Variants in TBC1D4 observed in about 807,000 individuals in gnomAD.
The protein encoded by TBC1D4 is TBC (Tre-2, BUB2, CDC16) domain-containing protein.
A neutral mutation model predicts 142.5 loss-of-function variants in TBC1D4; 121 were observed. The ratio of observed to expected loss-of-function variants is 0.85; its 90% confidence interval spans 0.73 to 0.99. The LOEUF (loss-of-function observed/expected upper bound fraction) is 0.99, where lower values mean the gene tolerates loss of function less well. Among genes scored for constraint, TBC1D4 ranks in the 50% least tolerant of loss-of-function variants. The pLI, the probability that TBC1D4 is intolerant of heterozygous loss-of-function variation, is 0.00. For missense variants in TBC1D4, 1,475 were observed against 1,606.6 expected, an observed-to-expected ratio of 0.92 and a Z score of 1.40; for synonymous variants, 630 against 628.2, an observed-to-expected ratio of 1.00 and a Z score of -0.04.
intron 1 of TBC1D4, among the ~76,000 whole-genome samples, chr13:75,427,230 G>A (rs1297621409): frequency 6.6e-6 from 1 of 152,146 alleles, no homozygotes; most frequent in Non-Finnish European, 1.5e-5. Flanking sequence ...TGGAGCTACA[G>A]GCGCCCCTCA....
Position 75,327,748 on chromosome 13 carries a change from A to G in TBC1D4, c.1806+4T>C, listed in dbSNP as rs1265401491. On this transcript the variant is annotated splice_donor_region_variant and intron_variant, in intron 9 of 20. Transcript: ENST00000377636. ...ATTAGTGTAAACAAGCTCTAGTTAG[A>G]TACCTTCTCTGAAGCAAGACTGTTG... is the stretch of plus-strand genomic sequence containing the variant. The G allele has an allele frequency of 1.9e-6, 3 of 1,614,030 alleles. No homozygotes were observed. Among genetic ancestry groups the G allele is most frequent in the South Asian group, 1.1e-5 (1 of 91,086 alleles).
intron 4 of TBC1D4, among the ~76,000 whole-genome samples, chr13:75,351,301 T>C (rs1355400885): frequency 2.0e-5 from 3 of 152,208 alleles, no homozygotes; most frequent in Non-Finnish European, 2.9e-5. Flanking sequence ...ACTTCAAATA[T>C]TATCTAGTCT....
intron 7 of TBC1D4, 66 bp downstream of exon 7, chr13:75,341,059 A>G (rs1448737412): frequency 2.8e-5 from 41 of 1,443,680 alleles, no homozygotes; most frequent in Non-Finnish European, 3.9e-5. Context: ...TGAGAGTACA[A>G]AGGGAAGAAT....
chr13:75,324,214 C>T (rs1251019795), intron 11 of TBC1D4, 23 bp downstream of exon 11: 2 of 1,613,262 alleles, frequency 1.2e-6, no homozygotes, highest in Non-Finnish European at 1.7e-6. Flanking sequence ...TTTTGCTTTG[C>T]AAACAGAGGA....
intron 1 of TBC1D4, among the ~76,000 whole-genome samples, chr13:75,433,886 T>G (rs1886687365): frequency 1.3e-5 from 2 of 152,188 alleles, no homozygotes; most frequent in Middle Eastern, 3.4e-3. Context: ...AAGACATACA[T>G]GTGGCCAACA....
rs190897039 is a variant in TBC1D4 at position 75,361,058 on chromosome 13, T to C, written c.1080+968A>G. Among the ~76,000 whole-genome samples, 420 of 152,312 alleles carry C rather than the reference T, an allele frequency of 2.8e-3. 2 individuals carry two copies. The highest frequency in any genetic ancestry group is 8.9e-3 in the South Asian group (43 of 4,824). Reference sequence around the variant, plus strand: ...AGAATTAAAGACTCTCTACAGAGTATTGTTAGGAATTAAGTTATTTTAAGC... The same window carrying C: ...AGAATTAAAGACTCTCTACAGAGTACTGTTAGGAATTAAGTTATTTTAAGC... On this transcript the variant is annotated intron_variant, in intron 2 of 20. Coordinates refer to ENST00000377636, the MANE Select transcript of TBC1D4 (RefSeq NM_014832.5).
chr13:75,353,110 A>G (rs1881750895), intron 4 of TBC1D4, among the ~76,000 whole-genome samples: 1 of 152,178 alleles, frequency 6.6e-6, no homozygotes, highest in South Asian at 2.1e-4. Context: ...CACAGCTTCA[A>G]GTAGTAGGAA....
chr13:75,297,753 T>C (rs1414793542), intron 17 of TBC1D4, among the ~76,000 whole-genome samples: 1 of 142,876 alleles, frequency 7.0e-6, no homozygotes, highest in Non-Finnish European at 1.5e-5. Context: ...CAAGACTCCG[T>C]CTCCAAAAAA....
At chr13:75,399,030 G>A (rs1189723299) in intron 1 of TBC1D4, among the ~76,000 whole-genome samples, 1 of 152,150 alleles carries the variant, frequency 6.6e-6, no homozygotes, top group East Asian at 1.9e-4. Flanking sequence ...AAATTTGGGG[G>A]TACTACACTA....
At chr13:75,307,481 G>T (rs1348103928) in intron 14 of TBC1D4, among the ~76,000 whole-genome samples, 1 of 152,118 alleles carries the variant, frequency 6.6e-6, no homozygotes, top group Non-Finnish European at 1.5e-5. Context: ...GCAGACACAA[G>T]AGTATACTTC....
chr13:75,346,751 G>A (rs542284981), intron 5 of TBC1D4, among the ~76,000 whole-genome samples: 2 of 151,876 alleles, frequency 1.3e-5, no homozygotes, highest in South Asian at 2.1e-4. Flanking sequence ...ACGGAGTGTA[G>A]ATCAAAGTTT....
chr13:75,365,504 T>C (rs942192215), intron 1 of TBC1D4, among the ~76,000 whole-genome samples: 5 of 152,176 alleles, frequency 3.3e-5, no homozygotes, highest in African/African-American at 1.2e-4. Context: ...AAATCTTGTA[T>C]TGAAGCATTT....
At chr13:75,392,473 G>A (rs1359718167) in intron 1 of TBC1D4, among the ~76,000 whole-genome samples, 2 of 152,084 alleles carry the variant, frequency 1.3e-5, no homozygotes, top group African/African-American at 2.4e-5. Flanking sequence ...TCACATCAAT[G>A]TTCTCATGTG....
chr13:75,410,792 C>T (rs938458990), intron 1 of TBC1D4, among the ~76,000 whole-genome samples: 5 of 150,516 alleles, frequency 3.3e-5, no homozygotes, highest in Non-Finnish European at 4.4e-5. Context: ...AAAAATTAGC[C>T]GGGCGTGGTA....
At chr13:75,315,498 T>C (rs1334480294) in intron 12 of TBC1D4, among the ~76,000 whole-genome samples, 1 of 151,556 alleles carries the variant, frequency 6.6e-6, no homozygotes, top group Non-Finnish European at 1.5e-5. Context: ...TTTAAAAATA[T>C]GATTCAAATG....
intron 1 of TBC1D4, among the ~76,000 whole-genome samples, chr13:75,372,940 T>C (rs1184984062): frequency 1.3e-5 from 2 of 152,226 alleles, no homozygotes; most frequent in East Asian, 3.8e-4. Context: ...ACATACGTCT[T>C]GGTCCTTCAT....
intron 1 of TBC1D4, among the ~76,000 whole-genome samples, chr13:75,440,114 C>G (rs936011869): frequency 1.3e-5 from 2 of 151,764 alleles, no homozygotes; most frequent in Non-Finnish European, 2.9e-5. Flanking sequence ...ATAAATATAT[C>G]AAGGCAGAAA....
intron 2 of TBC1D4, 129 bp from the exon 3 acceptor site, chr13:75,359,987 T>A: frequency 1.3e-6 from 1 of 774,262 alleles, no homozygotes; most frequent in Non-Finnish European, 2.2e-6. Context: ...CATATGTGCT[T>A]AAACATCTAA....
intron 1 of TBC1D4, among the ~76,000 whole-genome samples, chr13:75,441,285 T>C (rs1887029305): frequency 1.3e-5 from 2 of 152,040 alleles, no homozygotes; most frequent in South Asian, 4.2e-4. Context: ...GTACAAGGCA[T>C]GATTAGTGCC....
Sources: gnomAD v4.1 joint callset for allele counts (sites outside exome capture counted in the v4.1 genomes callset) on GRCh38, gnomAD v4.1.1 for gene constraint, MANE v1.5 for transcripts, NCBI Gene and HGNC (gene_info 2026-07-23, HGNC 2026-07-21) for gene names.